Variants in CD96 observed in about 807,000 individuals in gnomAD.
CD96 encodes CD96 molecule.
A neutral mutation model predicts 71.3 loss-of-function variants in CD96; 70 were observed. The ratio of observed to expected loss-of-function variants is 0.98; its 90% CI spans 0.81 to 1.20. The LOEUF (loss-of-function observed/expected upper bound fraction) is 1.20, where lower values mean the gene tolerates loss of function less well. CD96 is among the 50% of genes most tolerant of loss of function. The probability of loss-of-function intolerance (pLI) is 0.00; values close to 1 mark genes in which losing one functional copy is unlikely to be tolerated. For missense variants in CD96, 742 were observed against 677.5 expected, an observed-to-expected ratio of 1.10 and a Z score of -1.06; for synonymous variants, 248 against 233.0, an observed-to-expected ratio of 1.06 and a Z score of -0.59.
chr3:111,575,076 G>T (rs1200378629), intron 3 of CD96, among the ~76,000 whole-genome samples: 1 of 152,136 alleles, frequency 6.6e-6, no homozygotes, highest in Non-Finnish European at 1.5e-5. Context: ...TTACAGGCAT[G>T]AGCCACCAAA....
intron 4 of CD96, among the ~76,000 whole-genome samples, chr3:111,581,941 A>T (rs1936485494): frequency 6.6e-6 from 1 of 152,196 alleles, no homozygotes; most frequent in African/African-American, 2.4e-5. Flanking sequence ...GGGAAGGAAG[A>T]TAAGAAAATG....
At chr3:111,577,528 CCTT>C in intron 3 of CD96, 1 of 1,606,922 alleles carries the variant, frequency 6.2e-7, no homozygotes, top group Non-Finnish European at 8.5e-7. Context: ...ATTCTTGGGT[CCTT>C]CTTTCTAAGG....
chr3:111,628,942 C>A (rs558541258), intron 10 of CD96, among the ~76,000 whole-genome samples: 1 of 152,206 alleles, frequency 6.6e-6, no homozygotes, highest in South Asian at 2.1e-4. Context: ...GAAATAATAT[C>A]CTTTTCAGAC....
Position 111,579,213 on chromosome 3 carries a change from T to A in CD96, c.730T>A (p.Ser244Thr). 6.3e-7 allele frequency: 1 copy of A among 1,598,256 alleles called. No individual in the cohort carries two copies. The highest frequency in any genetic ancestry group is 8.6e-7 in the Non-Finnish European group (1 of 1,165,462). Residue 244 changes from serine to threonine, a missense_variant, in exon 4 of 14, where the codon TCC (serine) becomes ACC (threonine). Transcript: ENST00000352690. ...RVGPNKILRSSTTVKVFAKPE... is the reference protein window; with the variant it reads ...RVGPNKILRSTTTVKVFAKPE... ...CGGTCCTAACAAAATCTTGAGGAGC[T>A]CCACCACAGTCAAGGTTTTTGGTAA...
At chr3:111,591,619 A>ATT (rs1559741407) in intron 5 of CD96, among the ~76,000 whole-genome samples, 1 of 152,102 alleles carries the variant, frequency 6.6e-6, no homozygotes, top group Non-Finnish European at 1.5e-5. Context: ...CTTTTGCAAC[A>ATT]TAATAAGGTT....
intron 5 of CD96, among the ~76,000 whole-genome samples, chr3:111,586,896 C>A (rs1180381803): frequency 6.6e-6 from 1 of 152,074 alleles, no homozygotes; most frequent in Non-Finnish European, 1.5e-5. Context: ...ATTTCAAAAC[C>A]AATCATTCCT....
At chr3:111,565,972 A>G (rs950719976) in intron 2 of CD96, among the ~76,000 whole-genome samples, 10 of 150,802 alleles carry the variant, frequency 6.6e-5, no homozygotes, top group Non-Finnish European at 7.4e-5. Flanking sequence ...TAAAATTTAT[A>G]AACAGAAATA....
At chr3:111,609,186 A>G (rs958649050) in intron 8 of CD96, among the ~76,000 whole-genome samples, 3 of 152,220 alleles carry the variant, frequency 2.0e-5, no homozygotes, top group Non-Finnish European at 2.9e-5. Flanking sequence ...CATTTGAGAA[A>G]GCATCAGTAG....
chr3:111,579,305 G>C, intron 4 of CD96, 71 bp downstream of exon 4: 1 of 868,966 alleles, frequency 1.2e-6, no homozygotes, highest in Non-Finnish European at 2.0e-6. Flanking sequence ...TGAAGAGGAA[G>C]CACCCTATTA....
rs193009037 is a variant in CD96, at chr3:111,650,748, A to G, written c.*942A>G. ...CTGATTAATTAACCCTGCTCCTACCAATCTTTTTTAAAGCAGTTGAAGCAG... is the reference window on the plus strand; with the variant it reads ...CTGATTAATTAACCCTGCTCCTACCGATCTTTTTTAAAGCAGTTGAAGCAG... On this transcript the variant is annotated 3_prime_UTR_variant, in exon 14 of 14. Coordinates refer to ENST00000352690, the MANE Select transcript of CD96 (RefSeq NM_005816.5). 1.1e-4 allele frequency: 16 copies of G among 152,336 alleles called. No homozygotes were observed. The highest frequency in any genetic ancestry group is 9.2e-4 in the Admixed American group (14 of 15,298). 9.4% of individuals were successfully genotyped at this position (152,336 alleles called of 1,614,324 possible). A position where few individuals can be genotyped will look rare whatever the true frequency, so the allele number is the denominator to read the frequency against.
At chr3:111,648,167 C>T (rs1939921676) in intron 13 of CD96, among the ~76,000 whole-genome samples, 1 of 152,068 alleles carries the variant, frequency 6.6e-6, no homozygotes, top group Non-Finnish European at 1.5e-5. Context: ...CATTGGGTTA[C>T]CCCATTTTTG....
At chr3:111,598,282 T>C (rs1190663281) in intron 6 of CD96, 72 bp downstream of exon 6, 1 of 771,766 alleles carries the variant, frequency 1.3e-6, no homozygotes, top group Admixed American at 1.7e-5. Context: ...GAAATTGTCA[T>C]TGCCCAAGTT....
chr3:111,587,853 C>G lies in CD96; in HGVS notation c.807+2475C>G, dbSNP rs9858425. Among the ~76,000 whole-genome samples the G allele has an allele frequency of 2.9e-3, 449 of 152,264 alleles. 3 individuals carry two copies. The highest frequency in any genetic ancestry group is 0.01 in the African/African-American group (418 of 41,540). The stretch of plus-strand genomic sequence containing the variant: ...TACCCTTGGCCCCTTTCAGTTATGG[C>G]TGGAGTGGCTAGGACACAGGGCACC... On this transcript the variant is annotated intron_variant, in intron 5 of 13. Coordinates refer to ENST00000352690, the MANE Select transcript of CD96 (RefSeq NM_005816.5).
intron 4 of CD96, 165 bp downstream of exon 4, chr3:111,579,399 G>A (rs1936368520): frequency 4.3e-6 from 3 of 691,882 alleles, no homozygotes; most frequent in Admixed American, 4.0e-5. Context: ...AGGGGGATGA[G>A]GGTAGGATGC....
At chr3:111,630,349 A>G (rs1252259185) in intron 10 of CD96, among the ~76,000 whole-genome samples, 1 of 152,234 alleles carries the variant, frequency 6.6e-6, no homozygotes, top group Non-Finnish European at 1.5e-5. Flanking sequence ...CCACAGAAAT[A>G]CAAACAATCG....
chr3:111,593,698 T>A, intron 5 of CD96: 1 of 1,613,874 alleles, frequency 6.2e-7, no homozygotes. Context: ...TCTCCCGCCA[T>A]TCCACTGCCC....
intron 8 of CD96, among the ~76,000 whole-genome samples, chr3:111,622,387 T>C (rs1452684538): frequency 6.6e-6 from 1 of 152,252 alleles, no homozygotes; most frequent in Non-Finnish European, 1.5e-5. Flanking sequence ...TTACTACATG[T>C]CAGGCACTCT....
intron 8 of CD96, among the ~76,000 whole-genome samples, chr3:111,620,831 A>T (rs1382271135): frequency 6.6e-6 from 1 of 152,212 alleles, no homozygotes; most frequent in East Asian, 1.9e-4. Flanking sequence ...TCCCTGAGGC[A>T]TGTTTCTCCC....
chr3:111,665,951 C>G (rs1247463840), downstream of CD96, among the ~76,000 whole-genome samples: 1 of 152,214 alleles, frequency 6.6e-6, no homozygotes, highest in South Asian at 2.1e-4. Context: ...TTTGGGTACA[C>G]AGCTTGACCA....
Sources: allele counts gnomAD v4.1 joint callset (sites outside exome capture counted in the v4.1 genomes callset), GRCh38; gene constraint gnomAD v4.1.1; transcripts MANE v1.5; gene names NCBI Gene and HGNC (gene_info 2026-07-23, HGNC 2026-07-21).